Variants in KLHL7 observed in about 807,000 individuals in gnomAD.
The protein encoded by KLHL7 is kelch-like protein 7.
KLHL7 carries 44 observed loss-of-function variants against 67.4 expected under a neutral mutation model. That is an observed-to-expected ratio of 0.65 (90% CI 0.51 to 0.84). The LOEUF is 0.84. Among genes scored for constraint, KLHL7 ranks in the 40% least tolerant of loss-of-function variants. The probability of loss-of-function intolerance (pLI) is 0.00; values close to 1 mark genes in which losing one functional copy is unlikely to be tolerated. For synonymous variants in KLHL7, 252 were observed against 243.3 expected, an observed-to-expected ratio of 1.04 and a Z score of -0.33; for missense variants, 362 against 718.1, an observed-to-expected ratio of 0.50 and a Z score of 5.67.
At chr7:23,113,064 G>A (rs1445722252) in intron 1 of KLHL7, among the ~76,000 whole-genome samples, 1 of 152,006 alleles carries the variant, frequency 6.6e-6, no homozygotes, top group Non-Finnish European at 1.5e-5. Context: ...AGAAAGAGGG[G>A]ATTGATAGTA....
chr7:23,116,698 C>A (rs1436825037), intron 1 of KLHL7, among the ~76,000 whole-genome samples: 1 of 152,182 alleles, frequency 6.6e-6, no homozygotes, highest in East Asian at 1.9e-4. Context: ...CAGCTACTGC[C>A]AGCCGTCACT....
At chr7:23,141,844 A>C (rs183610682) in intron 5 of KLHL7, among the ~76,000 whole-genome samples, 3,029 of 152,056 alleles carry the variant, frequency 0.02, 52 homozygotes, top group Non-Finnish European at 0.032. Context: ...AGGATGGTCT[A>C]GATCTCCTGA....
At chr7:23,128,707 G>A (rs376452483) in intron 4 of KLHL7, among the ~76,000 whole-genome samples, 10 of 151,952 alleles carry the variant, frequency 6.6e-5, no homozygotes, top group African/African-American at 2.4e-4. Context: ...CAGCTAGCAG[G>A]TCCCAAAAGA....
intron 7 of KLHL7, among the ~76,000 whole-genome samples, chr7:23,164,063 C>G (rs1414756077): frequency 6.6e-6 from 1 of 152,130 alleles, no homozygotes; most frequent in Non-Finnish European, 1.5e-5. Context: ...CCTTCACCTG[C>G]AAGCCCAGGT....
intron 4 of KLHL7, among the ~76,000 whole-genome samples, chr7:23,136,507 T>C (rs960870848): frequency 8.5e-5 from 13 of 152,178 alleles, no homozygotes; most frequent in Non-Finnish European, 1.5e-4. Context: ...CACAAACTTG[T>C]TTTAGCTAGA....
intron 7 of KLHL7, among the ~76,000 whole-genome samples, chr7:23,159,760 G>A (rs1421573483): frequency 4.6e-5 from 7 of 152,128 alleles, no homozygotes; most frequent in African/African-American, 1.7e-4. Flanking sequence ...CAACTACTGA[G>A]CTCAAGCAAT....
intron 4 of KLHL7, among the ~76,000 whole-genome samples, chr7:23,127,045 G>C (rs929507): frequency 0.43 from 65,838 of 152,012 alleles, 15,701 homozygotes; most frequent in African/African-American, 0.64. Flanking sequence ...AAGACTTAAG[G>C]TTACTTCCAT....
intron 9 of KLHL7, among the ~76,000 whole-genome samples, chr7:23,169,519 G>A (rs2128469956): frequency 6.6e-6 from 1 of 152,048 alleles, no homozygotes; most frequent in Non-Finnish European, 1.5e-5. Flanking sequence ...CAGCATACTA[G>A]TTGGAAAACT....
intron 4 of KLHL7, among the ~76,000 whole-genome samples, chr7:23,131,406 T>A (rs1562564853): frequency 6.6e-6 from 1 of 152,212 alleles, no homozygotes; most frequent in Non-Finnish European, 1.5e-5. Context: ...TTATTGTTGA[T>A]CTTTGAAAAT....
chr7:23,140,621 C>T (rs1214535190), intron 4 of KLHL7, 148 bp from the exon 5 acceptor site: 1 of 749,604 alleles, frequency 1.3e-6, no homozygotes, highest in Admixed American at 2.0e-5. Flanking sequence ...AGTATTGGCA[C>T]AAGAATAGAC....
chr7:23,128,170 G>A lies in KLHL7; in HGVS notation c.442+2998G>A, dbSNP rs563666843. On this transcript the variant is annotated intron_variant, in intron 4 of 10. Transcript: ENST00000339077. The stretch of plus-strand genomic sequence containing the variant: ...AAAAGCAAACTTAAAAATACGATGT[G>A]TAAAAATATGGTTTTACAGTTTTTT... Among the ~76,000 whole-genome samples, 78 of 150,934 alleles carry A rather than the reference G, an allele frequency of 5.2e-4. 1 individual carries two copies. The highest frequency in any genetic ancestry group is 9.2e-4 in the Admixed American group (14 of 15,174).
Position 23,172,937 on chromosome 7 carries a change from A to C in KLHL7, c.1380-11A>C. 6.2e-7 allele frequency: 1 copy of C among 1,608,550 alleles called. No homozygotes were observed. Among genetic ancestry groups the C allele is most frequent in the Non-Finnish European group, 8.5e-7 (1 of 1,175,042 alleles). On this transcript the variant is annotated splice_polypyrimidine_tract_variant and intron_variant, in intron 9 of 10. Transcript: ENST00000339077. ...TGTAAACAAGCACACTAAAAACTTTAATTTTTTCAGATGGACTGAGCTGTG... is the reference window on the plus strand; with the variant it reads ...TGTAAACAAGCACACTAAAAACTTTCATTTTTTCAGATGGACTGAGCTGTG...
At chr7:23,149,457 T>A (rs1225911869) in intron 6 of KLHL7, among the ~76,000 whole-genome samples, 2 of 152,184 alleles carry the variant, frequency 1.3e-5, no homozygotes, top group African/African-American at 4.8e-5. Context: ...TTACTGGGAA[T>A]ATTGCGTTCA....
At chr7:23,160,173 T>G (rs192531855) in intron 7 of KLHL7, among the ~76,000 whole-genome samples, 1 of 152,312 alleles carries the variant, frequency 6.6e-6, no homozygotes. Flanking sequence ...TAATTTAAAG[T>G]GTAATATACC....
chr7:23,127,284 T>C (rs1783609895), intron 4 of KLHL7, among the ~76,000 whole-genome samples: 1 of 152,220 alleles, frequency 6.6e-6, no homozygotes, highest in Non-Finnish European at 1.5e-5. Context: ...CATCTTAGGC[T>C]TTGGGCTTCT....
At chr7:23,106,239 C>A in intron 1 of KLHL7, 93 bp downstream of exon 1, 1 of 1,553,568 alleles carries the variant, frequency 6.4e-7, no homozygotes, top group South Asian at 1.2e-5. Flanking sequence ...CCCTGTGGAT[C>A]GCGCCCCTCT....
intron 7 of KLHL7, among the ~76,000 whole-genome samples, chr7:23,154,061 CTT>C (rs1246574852): frequency 1.3e-5 from 2 of 152,110 alleles, no homozygotes; most frequent in Non-Finnish European, 2.9e-5. Context: ...TCCAATAAGA[CTT>C]TATTTACAGG....
chr7:23,160,953 A>G (rs1452498597), intron 7 of KLHL7, among the ~76,000 whole-genome samples: 1 of 152,200 alleles, frequency 6.6e-6, no homozygotes, highest in African/African-American at 2.4e-5. Flanking sequence ...TAGTCTCATA[A>G]TATAATAGCT....
chr7:23,165,971 A>G (rs200176826), intron 8 of KLHL7, 33 bp downstream of exon 8: 4 of 1,612,550 alleles, frequency 2.5e-6, no homozygotes, highest in Non-Finnish European at 3.4e-6. Flanking sequence ...GGTTTGGGGC[A>G]TATGCTTTAA....
Sources: gnomAD v4.1 joint callset for allele counts (sites outside exome capture counted in the v4.1 genomes callset) on GRCh38, gnomAD v4.1.1 for gene constraint, MANE v1.5 for transcripts, NCBI Gene and HGNC (gene_info 2026-07-23, HGNC 2026-07-21) for gene names.